The following MTMR8 variants were observed in gnomAD, a reference collection of about 807,000 sequenced individuals.
MTMR8 encodes the protein myotubularin related protein 8.
Under a neutral mutation model 39.3 loss-of-function variants are expected in MTMR8, and 65 were observed. The ratio of observed to expected loss-of-function variants is 1.65; its 90% CI spans 1.35 to 2.03. The LOEUF (loss-of-function observed/expected upper bound fraction) is 2.03. MTMR8 is among the 30% of genes most tolerant of loss of function. MTMR8 has a pLI of 0.00. For missense variants in MTMR8, 777 were observed against 538.9 expected (o/e 1.44, Z -4.37); for synonymous variants, 245 against 185.2 (o/e 1.32, Z -2.62).
intron 12 of MTMR8, among the ~76,000 whole-genome samples, chrX:64,296,450 T>A (rs1165734990): frequency 9.1e-6 from 1 of 110,442 alleles, no homozygotes; most frequent in Non-Finnish European, 1.9e-5. Flanking sequence ...ATGGTTAAAA[T>A]GGTAAATTTT....
At chrX:64,340,856 A>T (rs1923196939) in intron 8 of MTMR8, among the ~76,000 whole-genome samples, 4 of 112,072 alleles carry the variant, frequency 3.6e-5, no homozygotes, top group South Asian at 7.5e-4. Flanking sequence ...ATTGGCAAAG[A>T]TCAAAAAGAT....
chrX:64,305,128 A>T (rs1922061673), intron 12 of MTMR8: 1 of 213,199 alleles, frequency 4.7e-6, no homozygotes, highest in African/African-American at 3.0e-5. Flanking sequence ...ATCAAGGCTA[A>T]GATCTTCATC....
Position 64,343,662 on chromosome X carries a change from C to T in MTMR8, c.924G>A (p.Gly308=). 8.3e-7 allele frequency: 1 copy of T among 1,209,442 alleles called. No homozygotes were observed. The highest frequency in any genetic ancestry group is 3.0e-5 in the East Asian group (1 of 33,774). The change falls in exon 8 of 14, where the codon GGG becomes GGA. Residue 308 remains glycine (G), a synonymous_variant. Transcript: ENST00000374852. ...TAATAGCTTTAATGTGTCTTAACCACCCTGAGCTCTCCAGGCCGCTAAGAA... is the reference window on the plus strand; with the variant it reads ...TAATAGCTTTAATGTGTCTTAACCATCCTGAGCTCTCCAGGCCGCTAAGAA... The part of the protein sequence containing the change: ...SEFLSGLESS[G]WLRHIKAIMD...
intron 8 of MTMR8, among the ~76,000 whole-genome samples, chrX:64,339,506 G>A (rs773582930): frequency 5.4e-5 from 6 of 111,458 alleles, no homozygotes; most frequent in Non-Finnish European, 1.1e-4. Flanking sequence ...AAAGGTGAAG[G>A]GAGATGAAGT....
At chrX:64,363,539 C>A (rs753993681) in intron 1 of MTMR8, among the ~76,000 whole-genome samples, 2 of 112,139 alleles carry the variant, frequency 1.8e-5, no homozygotes, top group Non-Finnish European at 3.8e-5. Flanking sequence ...GAGGCAGATG[C>A]CTGTGTTATG....
chrX:64,342,328 C>A, intron 8 of MTMR8, among the ~76,000 whole-genome samples: 1 of 112,210 alleles, frequency 8.9e-6, no homozygotes, highest in Non-Finnish European at 1.9e-5. Flanking sequence ...TGGCAATAGC[C>A]AGATGGAGGA....
At chrX:64,392,581 T>TG (rs1210347212) in intron 1 of MTMR8, among the ~76,000 whole-genome samples, 1 of 107,114 alleles carries the variant, frequency 9.3e-6, no homozygotes, top group African/African-American at 3.8e-5. Context: ...AATGTTCTTT[T>TG]TTTTGTTTGT....
Position 64,271,024 on chromosome X carries a change from G to T in MTMR8, c.1531C>A (p.Gln511Lys). Residue 511 changes from glutamine (Q) to lysine (K), a missense_variant, in exon 13 of 14, where the codon CAG becomes AAG. By Grantham distance (53) the Gln-to-Lys change is moderately conservative. Coordinates refer to ENST00000374852, the MANE Select transcript of MTMR8 (RefSeq NM_017677.4). ...NRFDKGLQPK[Q>K]SMLESLLEIK... ...TCCAGGAGGCTCTCTAGCATACTCTGCTTGGGCTGCAGCCCTTTGTCAAAG... is the reference window on the plus strand; with the variant it reads ...TCCAGGAGGCTCTCTAGCATACTCTTCTTGGGCTGCAGCCCTTTGTCAAAG... The T allele has an allele frequency of 5.8e-6, 7 of 1,208,654 alleles. No homozygotes were observed. The highest frequency in any genetic ancestry group is 5.3e-5 in the South Asian group (3 of 56,498).
At chrX:64,383,092 T>C (rs1371234785) in intron 1 of MTMR8, among the ~76,000 whole-genome samples, 1 of 111,720 alleles carries the variant, frequency 9.0e-6, no homozygotes, top group African/African-American at 3.3e-5. Context: ...TTACATGTCA[T>C]ATTTCATTTG....
chrX:64,346,431 G>T (rs1039648807), intron 6 of MTMR8, among the ~76,000 whole-genome samples: 68 of 111,074 alleles, frequency 6.1e-4, no homozygotes, highest in African/African-American at 2.2e-3. Context: ...CATTGATAGT[G>T]TTACTGAGCT....
At chrX:64,384,370 C>T (rs1924506293) in intron 1 of MTMR8, among the ~76,000 whole-genome samples, 1 of 111,405 alleles carries the variant, frequency 9.0e-6, no homozygotes, top group Admixed American at 9.5e-5. Flanking sequence ...GGGTGGTGGC[C>T]TCCTTCTCAC....
At chrX:64,271,772 A>G (rs1931767590) in intron 12 of MTMR8, among the ~76,000 whole-genome samples, 2 of 112,141 alleles carry the variant, frequency 1.8e-5, no homozygotes, top group Admixed American at 9.4e-5. Context: ...ATGTGATAGT[A>G]TCCTGAGGGC....
chrX:64,273,289 G>A (rs1446160401), intron 12 of MTMR8, among the ~76,000 whole-genome samples: 1 of 110,555 alleles, frequency 9.0e-6, no homozygotes, highest in Non-Finnish European at 1.9e-5. Flanking sequence ...ACTTTGACAT[G>A]AATAACATAG....
intron 12 of MTMR8, among the ~76,000 whole-genome samples, chrX:64,316,946 A>T (rs1922484273): frequency 9.3e-6 from 1 of 107,819 alleles, no homozygotes; most frequent in East Asian, 3.0e-4. Flanking sequence ...TCCCGTCTCT[A>T]CTAAAAAGAC....
At chrX:64,384,285 T>C (rs187335210) in intron 1 of MTMR8, among the ~76,000 whole-genome samples, 1 of 111,556 alleles carries the variant, frequency 9.0e-6, no homozygotes, top group Admixed American at 9.5e-5. Context: ...CTCTCACAGG[T>C]TGTAGGTGAA....
At chrX:64,371,161 A>G (rs1404545795) in intron 1 of MTMR8, among the ~76,000 whole-genome samples, 2 of 112,001 alleles carry the variant, frequency 1.8e-5, no homozygotes, top group African/African-American at 6.5e-5. Flanking sequence ...CAATCAATTA[A>G]CAAATCAATC....
chrX:64,313,859 C>T (rs760019114), intron 12 of MTMR8, among the ~76,000 whole-genome samples: 1 of 112,785 alleles, frequency 8.9e-6, no homozygotes, highest in South Asian at 3.6e-4. Flanking sequence ...GGAAAGAAGA[C>T]ACTCTGGCTT....
At chrX:64,350,709 C>T (rs1050438120) in intron 4 of MTMR8, among the ~76,000 whole-genome samples, 1 of 110,903 alleles carries the variant, frequency 9.0e-6, no homozygotes, top group African/African-American at 3.3e-5. Context: ...GGCCTTTAAA[C>T]CACTAGTCTG....
intron 1 of MTMR8, among the ~76,000 whole-genome samples, chrX:64,361,095 A>C (rs1039245469): frequency 1.8e-5 from 2 of 111,916 alleles, no homozygotes. Context: ...GAAAATATAA[A>C]AAATTAAAAC....
Sources: allele counts gnomAD v4.1 joint callset (sites outside exome capture counted in the v4.1 genomes callset), GRCh38; gene constraint gnomAD v4.1.1; transcripts MANE v1.5; gene names NCBI Gene and HGNC (gene_info 2026-07-23, HGNC 2026-07-21).